Variants in ARHGAP10 observed in about 807,000 individuals in gnomAD.
The protein encoded by ARHGAP10 is Rho GTPase activating protein 10.
ARHGAP10 carries 87 observed loss-of-function variants against 108.6 expected under a neutral mutation model. The ratio of observed to expected loss-of-function variants is 0.80; its 90% CI spans 0.67 to 0.96. ARHGAP10 has a LOEUF of 0.96. ARHGAP10 is among the 40% of genes least tolerant of loss of function. ARHGAP10 has a pLI of 0.00. For missense variants in ARHGAP10, 939 were observed against 954.5 expected, an observed-to-expected ratio of 0.98 and a Z score of 0.21; for synonymous variants, 347 against 341.1, an observed-to-expected ratio of 1.02 and a Z score of -0.19.
At chr4:147,957,970 G>C (rs149706344) in intron 16 of ARHGAP10, among the ~76,000 whole-genome samples, 2 of 152,200 alleles carry the variant, frequency 1.3e-5, no homozygotes, top group South Asian at 4.2e-4. Flanking sequence ...AACTTTCTCC[G>C]TTAGCTGAAT....
At chr4:147,965,248 G>C (rs1739162481) in intron 17 of ARHGAP10, 119 bp downstream of exon 17, 2 of 623,756 alleles carry the variant, frequency 3.2e-6, no homozygotes, top group Admixed American at 3.5e-5. Context: ...CTGAACGTTT[G>C]ACTCATTGTG....
chr4:147,747,521 G>A (rs891931411), intron 1 of ARHGAP10, among the ~76,000 whole-genome samples: 1 of 152,158 alleles, frequency 6.6e-6, no homozygotes, highest in East Asian at 1.9e-4. Context: ...CACCCTGACC[G>A]CCATGGAGGT....
At chr4:147,980,010 C>A (rs1739749608) in intron 18 of ARHGAP10, among the ~76,000 whole-genome samples, 1 of 152,032 alleles carries the variant, frequency 6.6e-6, no homozygotes, top group Non-Finnish European at 1.5e-5. Context: ...TTCATCTTTT[C>A]CTATTTGGAA....
At chr4:147,892,222 C>T (rs72957780) in intron 10 of ARHGAP10, among the ~76,000 whole-genome samples, 4,084 of 152,154 alleles carry the variant, frequency 0.027, 187 homozygotes, top group African/African-American at 0.093. Flanking sequence ...GAAGCACTGG[C>T]GTTTTACAGT....
chr4:147,800,185 G>A (rs902769117), intron 1 of ARHGAP10, among the ~76,000 whole-genome samples: 6 of 152,188 alleles, frequency 3.9e-5, no homozygotes, highest in Non-Finnish European at 8.8e-5. Flanking sequence ...CCCAGTGGGG[G>A]AAACGTAGTC....
At chr4:148,047,957 G>T (rs2149680829) in intron 20 of ARHGAP10, among the ~76,000 whole-genome samples, 2 of 152,198 alleles carry the variant, frequency 1.3e-5, no homozygotes, top group Middle Eastern at 6.8e-3. Context: ...CAAGTAGCTG[G>T]GATTACAGGT....
chr4:147,911,164 A>G (rs1736714779), intron 12 of ARHGAP10, among the ~76,000 whole-genome samples: 1 of 149,446 alleles, frequency 6.7e-6, no homozygotes, highest in African/African-American at 2.4e-5. Flanking sequence ...TCCATTTTAT[A>G]AAGCTTTGTG....
chr4:148,023,643 G>T (rs548715732), intron 19 of ARHGAP10, among the ~76,000 whole-genome samples: 1 of 152,280 alleles, frequency 6.6e-6, no homozygotes, highest in Non-Finnish European at 1.5e-5. Context: ...ATTTTTAAAA[G>T]ACAGCTTAAA....
chr4:147,965,520 C>T (rs2306909), intron 17 of ARHGAP10, among the ~76,000 whole-genome samples: 17,085 of 152,134 alleles, frequency 0.11, 1,173 homozygotes, highest in African/African-American at 0.21. Flanking sequence ...GATTTCATTC[C>T]CTTTTCCTCC....
intron 13 of ARHGAP10, 80 bp from the exon 14 acceptor site, chr4:147,939,745 A>G (rs1200230559): frequency 1.1e-5 from 14 of 1,266,512 alleles, no homozygotes; most frequent in South Asian, 4.8e-5. Context: ...TTAGTTAGCA[A>G]AGATTTTGAA....
chr4:147,740,862 A>G (rs1221047163), intron 1 of ARHGAP10, among the ~76,000 whole-genome samples: 2 of 152,178 alleles, frequency 1.3e-5, no homozygotes, highest in South Asian at 2.1e-4. Flanking sequence ...AGCTTAATGA[A>G]AGCATCTTGT....
intron 1 of ARHGAP10, among the ~76,000 whole-genome samples, chr4:147,785,308 C>A (rs1730844857): frequency 6.6e-6 from 1 of 151,954 alleles, no homozygotes; most frequent in Non-Finnish European, 1.5e-5. Context: ...TGTCTCCAAT[C>A]CAGTGCTCCA....
chr4:147,742,661 T>C (rs1374790564), intron 1 of ARHGAP10, among the ~76,000 whole-genome samples: 2 of 151,626 alleles, frequency 1.3e-5, no homozygotes, highest in African/African-American at 4.8e-5. Flanking sequence ...TTTTTTTGTA[T>C]TTTTAGTAGA....
At chr4:147,936,643 T>C (rs1289975681) in intron 13 of ARHGAP10, among the ~76,000 whole-genome samples, 1 of 152,198 alleles carries the variant, frequency 6.6e-6, no homozygotes, top group Non-Finnish European at 1.5e-5. Flanking sequence ...TCCTCTCTTA[T>C]AGTTGCTGAA....
intron 22 of ARHGAP10, among the ~76,000 whole-genome samples, chr4:148,070,845 G>A (rs1191700297): frequency 6.6e-6 from 1 of 152,164 alleles, no homozygotes; most frequent in African/African-American, 2.4e-5. Flanking sequence ...ACCATGGTTG[G>A]GGGTTTGAGC....
intron 18 of ARHGAP10, among the ~76,000 whole-genome samples, chr4:148,006,160 G>A (rs771158879): frequency 1.3e-5 from 2 of 152,172 alleles, no homozygotes; most frequent in Admixed American, 6.5e-5. Context: ...CAGCTGCCGT[G>A]TTAAAAGTTC....
chr4:147,890,686 G>C (rs1480468083), intron 10 of ARHGAP10, among the ~76,000 whole-genome samples: 2 of 152,148 alleles, frequency 1.3e-5, no homozygotes, highest in East Asian at 1.9e-4. Context: ...AATTAACTGG[G>C]TGTGGTGGTG....
At chr4:147,895,865 A>G (rs1213934208) in intron 10 of ARHGAP10, among the ~76,000 whole-genome samples, 1 of 152,184 alleles carries the variant, frequency 6.6e-6, no homozygotes, top group Non-Finnish European at 1.5e-5. Flanking sequence ...TTAAAGTGTA[A>G]TATTAGCTGA....
At position 148,019,769 on chromosome 4, in the gene ARHGAP10, A is replaced by C. The variant is rs372559867; in HGVS notation, c.1717-3494A>C. Among the ~76,000 whole-genome samples the C allele has an allele frequency of 5.8e-4, 89 of 152,146 alleles. 1 individual carries two copies. The South Asian group carries it at 0.017, about 30-fold the overall frequency. ...GACAGAGTGAGACTCCACCTAAAAAAAAAAAAACAAAACAAAAAACAAAAA... is the reference window on the plus strand; with the variant it reads ...GACAGAGTGAGACTCCACCTAAAAACAAAAAAACAAAACAAAAAACAAAAA... On this transcript the variant is annotated intron_variant, in intron 18 of 22. Coordinates refer to ENST00000336498, the MANE Select transcript of ARHGAP10 (RefSeq NM_024605.4).
Sources: gnomAD v4.1 joint callset for allele counts (sites outside exome capture counted in the v4.1 genomes callset) on GRCh38, gnomAD v4.1.1 for gene constraint, MANE v1.5 for transcripts, NCBI Gene and HGNC (gene_info 2026-07-23, HGNC 2026-07-21) for gene names.